SKAP1: variants seen among roughly 807,000 people sequenced by gnomAD.
The protein encoded by SKAP1 is src kinase associated phosphoprotein 1.
A neutral mutation model predicts 58.5 loss-of-function variants in SKAP1; 44 were observed. The observed-to-expected ratio is 0.75, with a 90% CI of 0.59 to 0.97. The LOEUF is 0.97. Among genes scored for constraint, SKAP1 ranks in the 50% least tolerant of loss-of-function variants. SKAP1 has a pLI of 0.00. For missense variants in SKAP1, 390 were observed against 435.2 expected (o/e 0.90, Z 0.92); for synonymous variants, 127 against 149.7 (o/e 0.85, Z 1.11).
chr17:48,170,837 A>C (rs2064200823), intron 9 of SKAP1, among the ~76,000 whole-genome samples, 178 bp from the exon 10 acceptor site: 1 of 151,838 alleles, frequency 6.6e-6, no homozygotes, highest in African/African-American at 2.4e-5. Context: ...CAGCCCCCTG[A>C]GGAGCTAGGA....
At chr17:48,194,631 C>A (rs1343654482) in intron 4 of SKAP1, among the ~76,000 whole-genome samples, 2 of 152,230 alleles carry the variant, frequency 1.3e-5, no homozygotes, top group African/African-American at 4.8e-5. Context: ...TGCCCACTAA[C>A]TTTCATTATA....
intron 4 of SKAP1, among the ~76,000 whole-genome samples, chr17:48,265,420 A>G (rs1233358549): frequency 6.6e-6 from 1 of 151,840 alleles, no homozygotes. Context: ...CAGGAGAATC[A>G]CTTGAACCTG....
intron 3 of SKAP1, among the ~76,000 whole-genome samples, chr17:48,359,676 G>A (rs1057261127): frequency 4.6e-5 from 7 of 152,176 alleles, no homozygotes; most frequent in African/African-American, 1.7e-4. Flanking sequence ...GCGCGATCTC[G>A]GCTCACTGCA....
At chr17:48,388,867 G>A (rs571555962) in intron 2 of SKAP1, among the ~76,000 whole-genome samples, 2 of 152,272 alleles carry the variant, frequency 1.3e-5, no homozygotes, top group South Asian at 4.1e-4. Context: ...CTTGGTAAAC[G>A]TGATAGAAGG....
rs2064087700 is a variant in SKAP1, at chr17:48,162,817, ATATT to A, written c.878-252_878-249del. Reference sequence around the variant, plus strand: ...GATGCCGTTCAACAATATGATAAATATATTTATTTATTAATAAAAGAAAATCAGG... The same window carrying A: ...GATGCCGTTCAACAATATGATAAATATATTTATTAATAAAAGAAAATCAGG... On this transcript the variant is annotated intron_variant, in intron 10 of 12. Transcript: ENST00000336915. 4 of 284,044 alleles carry A rather than the reference ATATT, an allele frequency of 1.4e-5. No individual in the cohort carries two copies. In the South Asian group the frequency reaches 5.5e-4, roughly 39 times the overall value. The allele number at this position is 284,044 out of a possible 1,614,324, so 17.6% of individuals were successfully genotyped here.
chr17:48,382,403 T>A (rs372160896), intron 2 of SKAP1: 1 of 152,104 alleles, frequency 6.6e-6, no homozygotes. Flanking sequence ...CTCCTTACTC[T>A]CCCAGAGGAA....
intron 4 of SKAP1, among the ~76,000 whole-genome samples, chr17:48,231,245 A>T (rs1041136899): frequency 6.6e-6 from 1 of 152,192 alleles, no homozygotes; most frequent in Non-Finnish European, 1.5e-5. Flanking sequence ...TTACATTTTT[A>T]ACAGACTCCC....
chr17:48,279,537 G>T (rs534958562), intron 4 of SKAP1, among the ~76,000 whole-genome samples: 8 of 152,186 alleles, frequency 5.3e-5, no homozygotes, highest in Non-Finnish European at 7.4e-5. Context: ...TCATTATCTG[G>T]GTAATGTGAC....
intron 11 of SKAP1, among the ~76,000 whole-genome samples, chr17:48,149,497 T>C (rs1170772419): frequency 1.3e-5 from 2 of 152,212 alleles, no homozygotes; most frequent in Non-Finnish European, 2.9e-5. Flanking sequence ...AAAAGCAACG[T>C]CCCAGTTGCG....
At chr17:48,251,327 C>A (rs370878398) in intron 4 of SKAP1, among the ~76,000 whole-genome samples, 1 of 152,304 alleles carries the variant, frequency 6.6e-6, no homozygotes, top group East Asian at 1.9e-4. Flanking sequence ...TATATAGAAT[C>A]ACCTCCAAAT....
chr17:48,377,410 G>GA (rs1209687595), intron 2 of SKAP1: 50 of 140,988 alleles, frequency 3.5e-4, no homozygotes, highest in Admixed American at 3.2e-3. Flanking sequence ...CCCATCTCTA[G>GA]AAAAAATAAA....
intron 4 of SKAP1, among the ~76,000 whole-genome samples, chr17:48,201,067 T>C (rs2064721317): frequency 6.6e-6 from 1 of 152,086 alleles, no homozygotes; most frequent in Non-Finnish European, 1.5e-5. Context: ...GTTGGTATCA[T>C]ATAAAACAAG....
intron 2 of SKAP1, among the ~76,000 whole-genome samples, chr17:48,388,173 C>A (rs1455963263): frequency 6.6e-6 from 1 of 152,100 alleles, no homozygotes; most frequent in Non-Finnish European, 1.5e-5. Context: ...TGGTGGCTCA[C>A]ATCTGTAATC....
intron 4 of SKAP1, chr17:48,344,428 C>G (rs1420503755): frequency 3.9e-5 from 6 of 152,876 alleles, no homozygotes; most frequent in African/African-American, 1.4e-4. Flanking sequence ...ACATCTATTT[C>G]CACTTAGAGG....
chr17:48,385,257 T>C (rs978007633), intron 2 of SKAP1, among the ~76,000 whole-genome samples: 2 of 151,546 alleles, frequency 1.3e-5, no homozygotes, highest in Admixed American at 6.6e-5. Context: ...GGGAAGTGAC[T>C]AGAGACCAGG....
At chr17:48,292,923 G>A (rs1040554722) in intron 4 of SKAP1, among the ~76,000 whole-genome samples, 8 of 152,158 alleles carry the variant, frequency 5.3e-5, no homozygotes, top group African/African-American at 1.9e-4. Flanking sequence ...ATAAACTACT[G>A]TAAGATTCTT....
intron 6 of SKAP1, among the ~76,000 whole-genome samples, chr17:48,185,390 C>A (rs1452134610): frequency 6.6e-6 from 1 of 152,082 alleles, no homozygotes; most frequent in Non-Finnish European, 1.5e-5. Context: ...AGTATTTTAT[C>A]CTCCTTGTAA....
intron 4 of SKAP1, among the ~76,000 whole-genome samples, chr17:48,220,373 CAT>C (rs1334923129): frequency 6.6e-6 from 1 of 152,204 alleles, no homozygotes; most frequent in Non-Finnish European, 1.5e-5. Flanking sequence ...AAAGGAACTA[CAT>C]GTGTTTTGCT....
intron 4 of SKAP1, among the ~76,000 whole-genome samples, chr17:48,252,713 A>AGT (rs71141977): frequency 0.11 from 15,321 of 144,776 alleles, 917 homozygotes; most frequent in Middle Eastern, 0.16. Flanking sequence ...GCTCTAAGCT[A>AGT]GTGTGTGTGT....
Sources: gnomAD v4.1 joint callset for allele counts (sites outside exome capture counted in the v4.1 genomes callset) on GRCh38, gnomAD v4.1.1 for gene constraint, MANE v1.5 for transcripts, NCBI Gene and HGNC (gene_info 2026-07-23, HGNC 2026-07-21) for gene names.